The following KIZ variants were observed in gnomAD, a reference collection of about 807,000 sequenced individuals.
The protein encoded by KIZ is centrosomal protein kizuna.
Under a neutral mutation model 79.6 loss-of-function variants are expected in KIZ, and 68 were observed. The ratio of observed to expected loss-of-function variants is 0.85; its 90% CI spans 0.70 to 1.05. The LOEUF (loss-of-function observed/expected upper bound fraction) is 1.05, where lower values mean the gene tolerates loss of function less well. Ranked by LOEUF, KIZ falls within the 50% of genes least tolerant of loss-of-function variation. The probability of loss-of-function intolerance (pLI) is 0.00; values close to 1 mark genes in which losing one functional copy is unlikely to be tolerated. For missense variants in KIZ, 797 were observed against 800.4 expected, an observed-to-expected ratio of 1.00 and a Z score of 0.05; for synonymous variants, 280 against 281.8, an observed-to-expected ratio of 0.99 and a Z score of 0.06.
At chr20:21,154,610 T>C (rs1232008685) in intron 4 of KIZ, among the ~76,000 whole-genome samples, 10 of 152,228 alleles carry the variant, frequency 6.6e-5, no homozygotes, top group African/African-American at 2.2e-4. Context: ...TGTGGAAAAG[T>C]TGGTCATTAT....
chr20:21,243,699 C>T (rs1049261511), intron 11 of KIZ, among the ~76,000 whole-genome samples: 9 of 152,144 alleles, frequency 5.9e-5, no homozygotes, highest in Non-Finnish European at 1.2e-4. Flanking sequence ...CTGGACGCCA[C>T]GAACACTAGC....
intron 6 of KIZ, among the ~76,000 whole-genome samples, chr20:21,201,069 G>C (rs903971159): frequency 5.3e-5 from 8 of 151,560 alleles, no homozygotes; most frequent in Admixed American, 3.3e-4. Flanking sequence ...TATAGTGTCA[G>C]TTAGGAGGCT....
intron 6 of KIZ, among the ~76,000 whole-genome samples, chr20:21,198,985 T>G (rs1480452053): frequency 2.0e-5 from 3 of 152,244 alleles, no homozygotes; most frequent in African/African-American, 7.2e-5. Context: ...ATCTCCCGTT[T>G]CTTTCTCACT....
chr20:21,227,301 C>T (rs1053986539), intron 9 of KIZ, among the ~76,000 whole-genome samples: 1 of 152,160 alleles, frequency 6.6e-6, no homozygotes, highest in Non-Finnish European at 1.5e-5. Flanking sequence ...TCACTGGAGT[C>T]AAGTGATTTA....
At chr20:21,127,259 C>T (rs983499642) in intron 1 of KIZ, among the ~76,000 whole-genome samples, 2 of 152,046 alleles carry the variant, frequency 1.3e-5, no homozygotes, top group African/African-American at 2.4e-5. Context: ...GACATGTCAC[C>T]GCTCACCCAT....
chr20:21,211,494 C>T (rs2036065729), intron 7 of KIZ, among the ~76,000 whole-genome samples: 1 of 152,194 alleles, frequency 6.6e-6, no homozygotes, highest in South Asian at 2.1e-4. Context: ...TTATTAATAA[C>T]AGGTAAGTTG....
At chr20:21,223,127 CTATT>C (rs1004188100) in intron 9 of KIZ, among the ~76,000 whole-genome samples, 7 of 152,104 alleles carry the variant, frequency 4.6e-5, no homozygotes, top group African/African-American at 1.7e-4. Flanking sequence ...TTTTAAAAAG[CTATT>C]TAAATCAATA....
chr20:21,190,603 T>C (rs902416190), intron 6 of KIZ, among the ~76,000 whole-genome samples: 1 of 152,180 alleles, frequency 6.6e-6, no homozygotes. Context: ...ATAGTCTGCT[T>C]TGGTTCATTA....
intron 6 of KIZ, among the ~76,000 whole-genome samples, chr20:21,179,552 A>AT (rs2034567383): frequency 2.7e-5 from 4 of 149,922 alleles, no homozygotes; most frequent in Admixed American, 6.6e-5. Flanking sequence ...TTTTTTTCCT[A>AT]TTTTTTGTAT....
chr20:21,188,911 T>C (rs781779460), intron 6 of KIZ, among the ~76,000 whole-genome samples: 31 of 151,974 alleles, frequency 2.0e-4, no homozygotes, highest in Non-Finnish European at 4.6e-4. Context: ...GGTTTCACCG[T>C]GTCAGCCAGG....
chr20:21,232,744 T>A lies in KIZ; in HGVS notation c.1794T>A (p.Ile598=), dbSNP rs1167436560. 4.4e-6 allele frequency: 7 copies of A among 1,573,310 alleles called. No homozygotes were observed. Among genetic ancestry groups the A allele is most frequent in the Middle Eastern group, 1.7e-4 (1 of 5,996 alleles). Residue 598 remains isoleucine, a synonymous_variant, in exon 11 of 13, where the codon ATT becomes ATA. Coordinates refer to ENST00000619189, the MANE Select transcript of KIZ (RefSeq NM_018474.6). Reference sequence around the variant, plus strand: ...TTACGCTTATCACAGGTTTGAATATTGGCAGCGGTGCATTCGAGACAAAGA... The same window carrying A: ...TTACGCTTATCACAGGTTTGAATATAGGCAGCGGTGCATTCGAGACAAAGA... ...ASVSHLSGLN[I]GSGAFETKTA... is the part of the protein sequence containing the mutation.
At chr20:21,132,478 A>G (rs944085962) in intron 2 of KIZ, among the ~76,000 whole-genome samples, 2 of 152,096 alleles carry the variant, frequency 1.3e-5, no homozygotes, top group Non-Finnish European at 2.9e-5. Flanking sequence ...ACTGGGTTTC[A>G]CCATGCTGGC....
chr20:21,223,391 A>G (rs898463977), intron 9 of KIZ, among the ~76,000 whole-genome samples: 1 of 152,232 alleles, frequency 6.6e-6, no homozygotes, highest in Non-Finnish European at 1.5e-5. Context: ...AAGCAGCCCC[A>G]GACAACTCAT....
chr20:21,214,891 AT>A (rs2123298605), intron 8 of KIZ, among the ~76,000 whole-genome samples, 191 bp downstream of exon 8: 1 of 152,346 alleles, frequency 6.6e-6, no homozygotes. Flanking sequence ...GGAATGGGAA[AT>A]CTAACTGTAA....
chr20:21,154,627 T>A (rs2033284940), intron 4 of KIZ, among the ~76,000 whole-genome samples: 1 of 152,232 alleles, frequency 6.6e-6, no homozygotes, highest in Non-Finnish European at 1.5e-5. Flanking sequence ...TTATGTCAGA[T>A]CCTTAAATAC....
chr20:21,161,692 A>G (rs549242683), intron 4 of KIZ, among the ~76,000 whole-genome samples, 179 bp from the exon 5 acceptor site: 71 of 152,102 alleles, frequency 4.7e-4, no homozygotes, highest in African/African-American at 1.6e-3. Flanking sequence ...AATCCTATGG[A>G]CTTTACTGCT....
rs1024207227 is a variant in KIZ at position 21,244,479 on chromosome 20, C to A, written c.1924+191C>A. 45 of 596,192 alleles carry A rather than the reference C, an allele frequency of 7.5e-5. No homozygotes were observed. In the South Asian group the frequency reaches 8.6e-4, roughly 11 times the overall value. The allele number at this position is 596,192 out of a possible 1,614,324, so 36.9% of individuals were successfully genotyped here. A position where few individuals can be genotyped will look rare whatever the true frequency, so the allele number is the denominator to read the frequency against. ...TCAGTTCTTCACAGACAGGACCACACGGGTGCCATGGACCACAGGGGCAGA... is the reference window on the plus strand; with the variant it reads ...TCAGTTCTTCACAGACAGGACCACAAGGGTGCCATGGACCACAGGGGCAGA... On this transcript the variant is annotated intron_variant, in intron 12 of 12. Coordinates refer to ENST00000619189, the MANE Select transcript of KIZ (RefSeq NM_018474.6).
At chr20:21,135,576 G>T (rs984064023) in intron 2 of KIZ, among the ~76,000 whole-genome samples, 2 of 152,154 alleles carry the variant, frequency 1.3e-5, no homozygotes, top group African/African-American at 2.4e-5. Flanking sequence ...TGTTTTGAGG[G>T]TGAATATTTT....
chr20:21,131,589 G>C (rs2031847056), intron 1 of KIZ, among the ~76,000 whole-genome samples: 1 of 152,228 alleles, frequency 6.6e-6, no homozygotes, highest in South Asian at 2.1e-4. Flanking sequence ...CAGCGACTCA[G>C]AGAAGTCTGG....
Sources: allele counts gnomAD v4.1 joint callset (sites outside exome capture counted in the v4.1 genomes callset), GRCh38; gene constraint gnomAD v4.1.1; transcripts MANE v1.5; gene names NCBI Gene and HGNC (gene_info 2026-07-23, HGNC 2026-07-21).